Variants in ITPK1 observed in about 807,000 individuals in gnomAD.
ITPK1 encodes inositol-tetrakisphosphate 1-kinase.
ITPK1 carries 21 observed loss-of-function variants against 45.3 expected under a neutral mutation model. The ratio of observed to expected loss-of-function variants is 0.46; its 90% CI spans 0.33 to 0.67. The LOEUF (loss-of-function observed/expected upper bound fraction) is 0.67, where lower values mean the gene tolerates loss of function less well. ITPK1 is among the 30% of genes least tolerant of loss of function. The probability of loss-of-function intolerance (pLI) is 0.02; values close to 1 mark genes in which losing one functional copy is unlikely to be tolerated. For synonymous variants in ITPK1, 258 were observed against 253.6 expected, an observed-to-expected ratio of 1.02 and a Z score of -0.16; for missense variants, 474 against 573.5, an observed-to-expected ratio of 0.83 and a Z score of 1.77.
At position 93,088,882 on chromosome 14, in the gene ITPK1, C is replaced by T. The variant is rs139205971; in HGVS notation, c.96-12263G>A. On this transcript the variant is annotated intron_variant, in intron 2 of 10. Coordinates refer to ENST00000267615, the MANE Select transcript of ITPK1 (RefSeq NM_014216.6). Reference sequence around the variant, plus strand: ...AGCAGGTAAGAAGCAGAACCACAATCTAAACCCATCCAAATACCAGTAATT... The same window carrying T: ...AGCAGGTAAGAAGCAGAACCACAATTTAAACCCATCCAAATACCAGTAATT... 5.3e-3 allele frequency among the ~76,000 whole-genome samples: 809 copies of T among 152,276 alleles called. 22 individuals carry two copies. Among genetic ancestry groups the T allele is most frequent in the Admixed American group, 0.041 (632 of 15,306 alleles).
At chr14:93,049,581 G>A (rs1889921947) in intron 3 of ITPK1, among the ~76,000 whole-genome samples, 1 of 152,148 alleles carries the variant, frequency 6.6e-6, no homozygotes, top group African/African-American at 2.4e-5. Context: ...GAAAGGCCAG[G>A]AAAGGTTAGA....
chr14:92,990,442 A>G (rs998630430), intron 5 of ITPK1, among the ~76,000 whole-genome samples: 1 of 152,192 alleles, frequency 6.6e-6, no homozygotes, highest in Non-Finnish European at 1.5e-5. Context: ...CTGGGCTTTT[A>G]CATCAGAGAG....
chr14:93,017,577 C>T (rs1390773631), intron 3 of ITPK1, among the ~76,000 whole-genome samples: 5 of 152,342 alleles, frequency 3.3e-5, no homozygotes, highest in East Asian at 3.9e-4. Context: ...GCCTGACCCC[C>T]GCTTCCTGAC....
intron 3 of ITPK1, among the ~76,000 whole-genome samples, chr14:93,042,047 A>C (rs952976793): frequency 1.3e-5 from 2 of 152,238 alleles, no homozygotes; most frequent in Non-Finnish European, 2.9e-5. Context: ...TGCCATGTGC[A>C]GGTGTCATGC....
At chr14:92,961,399 GGT>G (rs1382756831) in intron 7 of ITPK1, among the ~76,000 whole-genome samples, 1 of 152,194 alleles carries the variant, frequency 6.6e-6, no homozygotes, top group Admixed American at 6.5e-5. Context: ...TCTGTCTCCT[GGT>G]CTCCATGGTC....
At chr14:93,081,193 G>C (rs1301189782) in intron 2 of ITPK1, among the ~76,000 whole-genome samples, 1 of 151,604 alleles carries the variant, frequency 6.6e-6, no homozygotes, top group African/African-American at 2.4e-5. Flanking sequence ...AATTAGCTGG[G>C]CATAACAGCA....
chr14:93,112,951 A>G (rs1892810057), intron 2 of ITPK1, among the ~76,000 whole-genome samples: 1 of 152,216 alleles, frequency 6.6e-6, no homozygotes, highest in African/African-American at 2.4e-5. Flanking sequence ...CACTGGCTCA[A>G]CAGTTGCAGC....
At chr14:92,942,367 C>A (rs1054972759) in intron 10 of ITPK1, among the ~76,000 whole-genome samples, 3 of 152,176 alleles carry the variant, frequency 2.0e-5, no homozygotes, top group African/African-American at 7.2e-5. Context: ...TCCCGGAGAC[C>A]GCTTCCACCC....
At chr14:93,019,517 CA>C in intron 3 of ITPK1, among the ~76,000 whole-genome samples, 1 of 152,212 alleles carries the variant, frequency 6.6e-6, no homozygotes, top group South Asian at 2.1e-4. Context: ...GTGAGAACAG[CA>C]GCTTGGGACA....
intron 2 of ITPK1, among the ~76,000 whole-genome samples, chr14:93,104,767 T>C (rs1196364313): frequency 1.3e-5 from 2 of 152,108 alleles, no homozygotes; most frequent in Non-Finnish European, 2.9e-5. Flanking sequence ...GCCATGAATG[T>C]ACAAGGGGGC....
chr14:92,937,940 G>A lies in ITPK1; in HGVS notation c.*3621C>T, dbSNP rs1209289432. 1.3e-5 allele frequency: 2 copies of A among 155,992 alleles called. No homozygotes were observed. The highest frequency in any genetic ancestry group is 1.9e-4 in the East Asian group (1 of 5,242). 9.7% of individuals were successfully genotyped at this position (155,992 alleles called of 1,614,324 possible). A position where few individuals can be genotyped will look rare whatever the true frequency, so the allele number is the denominator to read the frequency against. ...AGAAGGAGCTGCCGGGGATCCCACC[G>A]GGTGAATGATCAGAGTTTGTTTGTT... On this transcript the variant is annotated 3_prime_UTR_variant, in exon 11 of 11. Transcript: ENST00000267615.
chr14:92,975,834 A>C (rs1179833470), intron 5 of ITPK1, among the ~76,000 whole-genome samples: 2 of 152,062 alleles, frequency 1.3e-5, no homozygotes, highest in African/African-American at 4.8e-5. Flanking sequence ...TCCCCACCCA[A>C]ATCTCATCAT....
rs1033545862 is a variant in ITPK1 at position 93,013,650 on chromosome 14, C to T, written c.246+3026G>A. 3.5e-4 allele frequency among the ~76,000 whole-genome samples: 53 copies of T among 152,360 alleles called. 1 individual carries two copies. The highest frequency in any genetic ancestry group is 1.1e-3 in the African/African-American group (45 of 41,588). The stretch of plus-strand genomic sequence containing the variant: ...GGGGCAAAGCATCTTGCCTCGGTTT[C>T]CCTGCTCACAACAAAATGGGAGGAC... On this transcript the variant is annotated intron_variant, in intron 4 of 10. Transcript: ENST00000267615.
intron 2 of ITPK1, among the ~76,000 whole-genome samples, chr14:93,080,334 C>T (rs935392461): frequency 1.3e-5 from 2 of 152,218 alleles, no homozygotes; most frequent in Admixed American, 6.5e-5. Context: ...TCATACATTG[C>T]TTCAATGTTG....
chr14:93,093,181 C>A (rs1236655120), intron 2 of ITPK1, among the ~76,000 whole-genome samples: 3 of 152,192 alleles, frequency 2.0e-5, no homozygotes, highest in African/African-American at 4.8e-5. Context: ...AAATACCCAA[C>A]CTGTGGGGCA....
chr14:93,104,968 G>A (rs1385185893), intron 2 of ITPK1, among the ~76,000 whole-genome samples: 1 of 152,186 alleles, frequency 6.6e-6, no homozygotes, highest in Admixed American at 6.5e-5. Flanking sequence ...TGGCCAGATC[G>A]GTCCCAGGAA....
At chr14:93,058,742 G>A (rs1447036383) in intron 3 of ITPK1, among the ~76,000 whole-genome samples, 1 of 32,708 alleles carries the variant, frequency 3.1e-5, no homozygotes, top group African/African-American at 1.6e-4. Flanking sequence ...GGATCATGAG[G>A]CAAGGGTGAA....
intron 4 of ITPK1, among the ~76,000 whole-genome samples, chr14:92,999,650 G>C (rs1317618855): frequency 6.6e-6 from 1 of 152,248 alleles, no homozygotes; most frequent in Non-Finnish European, 1.5e-5. Context: ...TGCATGCCAG[G>C]GAGCTGGAGG....
chr14:92,991,720 T>C (rs1886798440), intron 5 of ITPK1, among the ~76,000 whole-genome samples: 1 of 152,004 alleles, frequency 6.6e-6, no homozygotes, highest in Admixed American at 6.5e-5. Flanking sequence ...ACCGGGTTCC[T>C]GCTCCTTGAA....
Sources: allele counts gnomAD v4.1 joint callset (sites outside exome capture counted in the v4.1 genomes callset), GRCh38; gene constraint gnomAD v4.1.1; transcripts MANE v1.5; gene names NCBI Gene and HGNC (gene_info 2026-07-23, HGNC 2026-07-21).